Variants in STK32B observed in about 807,000 individuals in gnomAD.
STK32B encodes the protein serine/threonine-protein kinase 32B.
STK32B carries 43 observed loss-of-function variants against 52.6 expected under a neutral mutation model. The observed-to-expected ratio is 0.82, with a 90% CI of 0.64 to 1.05. The LOEUF (loss-of-function observed/expected upper bound fraction) is 1.05. Among genes scored for constraint, STK32B ranks in the 50% least tolerant of loss-of-function variants. The pLI, the probability that STK32B is intolerant of heterozygous loss-of-function variation, is 0.00. For synonymous variants in STK32B, 238 were observed against 204.3 expected, an observed-to-expected ratio of 1.17 and a Z score of -1.41; for missense variants, 621 against 534.6, an observed-to-expected ratio of 1.16 and a Z score of -1.59.
chr4:5,128,084 G>A (rs994007415), intron 1 of STK32B, among the ~76,000 whole-genome samples: 1 of 152,078 alleles, frequency 6.6e-6, no homozygotes, highest in African/African-American at 2.4e-5. Flanking sequence ...TATTAGCAGC[G>A]TGAAAACAGA....
chr4:5,472,780 C>G (rs2109179336), intron 11 of STK32B, among the ~76,000 whole-genome samples: 1 of 152,334 alleles, frequency 6.6e-6, no homozygotes, highest in African/African-American at 2.4e-5. Flanking sequence ...CCAAATAATA[C>G]TATGAACACT....
the STK32B span, among the ~76,000 whole-genome samples, chr4:5,022,407 G>A: frequency 2.0e-5 from 3 of 152,292 alleles, no homozygotes; most frequent in South Asian, 2.1e-4. Flanking sequence ...CCTATGAGAC[G>A]CCGCACTGGA....
intron 9 of STK32B, among the ~76,000 whole-genome samples, chr4:5,462,441 C>A (rs1390978168): frequency 6.6e-6 from 1 of 151,904 alleles, no homozygotes; most frequent in African/African-American, 2.4e-5. Context: ...GCCTTGGGGC[C>A]GGCAGGGGCA....
At chr4:5,224,832 A>G (rs1723765969) in intron 3 of STK32B, among the ~76,000 whole-genome samples, 1 of 152,228 alleles carries the variant, frequency 6.6e-6, no homozygotes, top group South Asian at 2.1e-4. Flanking sequence ...TGATTAATTA[A>G]TAATACTTAT....
intron 4 of STK32B, among the ~76,000 whole-genome samples, chr4:5,368,033 C>G (rs112691315): frequency 6.6e-6 from 1 of 152,048 alleles, no homozygotes; most frequent in African/African-American, 2.4e-5. Context: ...TCTGAGATAC[C>G]CACCCCCGAT....
At chr4:5,433,729 A>G (rs1003076758) in intron 6 of STK32B, among the ~76,000 whole-genome samples, 1 of 152,044 alleles carries the variant, frequency 6.6e-6, no homozygotes, top group Non-Finnish European at 1.5e-5. Flanking sequence ...AGCATTTCAC[A>G]CTCCACTGCA....
At chr4:5,462,612 G>C (rs1264963112) in intron 9 of STK32B, among the ~76,000 whole-genome samples, 1 of 152,150 alleles carries the variant, frequency 6.6e-6, no homozygotes, top group Non-Finnish European at 1.5e-5. Flanking sequence ...ACAGGAGCTG[G>C]ACCCCTGGGA....
At chr4:5,272,518 A>C (rs1475986461) in intron 3 of STK32B, among the ~76,000 whole-genome samples, 1 of 150,560 alleles carries the variant, frequency 6.6e-6, no homozygotes, top group Non-Finnish European at 1.5e-5. Flanking sequence ...TGCTGGCCTC[A>C]TAAAATGAGT....
intron 1 of STK32B, 23 bp from the exon 2 acceptor site, chr4:5,139,882 T>C (rs148839358): frequency 1.2e-6 from 2 of 1,614,172 alleles, no homozygotes; most frequent in Non-Finnish European, 1.7e-6. Context: ...CTGACTTGTT[T>C]CCTTTTTTGT....
chr4:5,483,722 T>C (rs927315022), intron 11 of STK32B, among the ~76,000 whole-genome samples: 4 of 152,204 alleles, frequency 2.6e-5, no homozygotes, highest in African/African-American at 4.8e-5. Context: ...CTTGTGGACA[T>C]TTAGTGCTAT....
At chr4:5,431,601 G>C (rs918033113) in intron 6 of STK32B, among the ~76,000 whole-genome samples, 1 of 151,780 alleles carries the variant, frequency 6.6e-6, no homozygotes, top group African/African-American at 2.4e-5. Flanking sequence ...CCCTTTATCA[G>C]AGCTTACGTA....
intron 1 of STK32B, among the ~76,000 whole-genome samples, chr4:5,070,957 A>G (rs1195156255): frequency 6.6e-6 from 1 of 152,078 alleles, no homozygotes; most frequent in African/African-American, 2.4e-5. Context: ...TGAGCGTATA[A>G]CCTCTGCTCC....
intron 1 of STK32B, among the ~76,000 whole-genome samples, chr4:5,076,387 C>G (rs1453638616): frequency 1.3e-5 from 2 of 152,138 alleles, no homozygotes; most frequent in Non-Finnish European, 2.9e-5. Flanking sequence ...CCTAGTTCCT[C>G]TTTCTCATAA....
intron 3 of STK32B, among the ~76,000 whole-genome samples, chr4:5,272,986 C>T (rs1269841835): frequency 3.5e-5 from 5 of 141,454 alleles, no homozygotes; most frequent in Non-Finnish European, 7.6e-5. Flanking sequence ...ACAAAATTGA[C>T]AAATGGGATC....
intron 1 of STK32B, among the ~76,000 whole-genome samples, chr4:5,098,942 A>G (rs975352638): frequency 6.6e-6 from 1 of 152,204 alleles, no homozygotes; most frequent in Non-Finnish European, 1.5e-5. Context: ...CTGCCATAAC[A>G]AACTGCCATC....
At chr4:5,362,476 C>G (rs1195630729) in intron 4 of STK32B, among the ~76,000 whole-genome samples, 3 of 152,164 alleles carry the variant, frequency 2.0e-5, no homozygotes, top group Non-Finnish European at 2.9e-5. Context: ...ACAGAAACCA[C>G]CATGAGTCTT....
At chr4:5,304,090 A>G (rs193174833) in intron 3 of STK32B, among the ~76,000 whole-genome samples, 471 of 152,260 alleles carry the variant, frequency 3.1e-3, no homozygotes, top group African/African-American at 7.1e-3. Context: ...GCCTTACAGT[A>G]TAGTATGAAG....
intron 4 of STK32B, among the ~76,000 whole-genome samples, chr4:5,363,387 G>T (rs1734674623): frequency 6.6e-6 from 1 of 152,238 alleles, no homozygotes; most frequent in East Asian, 1.9e-4. Flanking sequence ...AAGGCCACAG[G>T]GTGATCCAGG....
intron 4 of STK32B, among the ~76,000 whole-genome samples, chr4:5,370,117 C>T (rs560116642): frequency 2.8e-4 from 42 of 152,236 alleles, no homozygotes; most frequent in Non-Finnish European, 4.6e-4. Flanking sequence ...TCAGGTGATC[C>T]GCCTGCCTCG....
Sources: gnomAD v4.1 joint callset for allele counts (sites outside exome capture counted in the v4.1 genomes callset) on GRCh38, gnomAD v4.1.1 for gene constraint, MANE v1.5 for transcripts, NCBI Gene and HGNC (gene_info 2026-07-23, HGNC 2026-07-21) for gene names.